The following SGO2 variants were observed in gnomAD, a reference collection of about 807,000 sequenced individuals.
SGO2 encodes the protein shugoshin-like 2.
SGO2 carries 68 observed loss-of-function variants against 99.5 expected under a neutral mutation model. That is an observed-to-expected ratio of 0.68 (90% CI 0.56 to 0.84). The LOEUF is 0.84. Among genes scored for constraint, SGO2 ranks in the 40% least tolerant of loss-of-function variants. The pLI, the probability that SGO2 is intolerant of heterozygous loss-of-function variation, is 0.00. For synonymous variants in SGO2, 457 were observed against 487.1 expected, an observed-to-expected ratio of 0.94 and a Z score of 0.81; for missense variants, 1,350 against 1,436.7, an observed-to-expected ratio of 0.94 and a Z score of 0.97.
intron 7 of SGO2, among the ~76,000 whole-genome samples, chr2:200,574,805 A>G (rs953150927): frequency 1.1e-4 from 16 of 152,108 alleles, no homozygotes; most frequent in African/African-American, 3.9e-4. Context: ...TTCTTTTGCC[A>G]TTAGAAATTT....
At chr2:200,536,511 GA>G (rs967027293) in intron 4 of SGO2, among the ~76,000 whole-genome samples, 11 of 151,992 alleles carry the variant, frequency 7.2e-5, no homozygotes, top group African/African-American at 2.6e-4. Context: ...AAAAACTGGG[GA>G]AAAAAATAGA....
intron 5 of SGO2, among the ~76,000 whole-genome samples, chr2:200,548,299 G>A (rs909268355): frequency 2.0e-5 from 3 of 151,840 alleles, no homozygotes; most frequent in African/African-American, 7.3e-5. Flanking sequence ...AAGAAAACTG[G>A]AAATTAAAAT....
chr2:200,575,574 A>AAT, intron 8 of SGO2, 113 bp downstream of exon 8: 1 of 740,154 alleles, frequency 1.4e-6, no homozygotes, highest in Non-Finnish European at 2.1e-6. Flanking sequence ...TATATTATTG[A>AAT]TATGTAACAA....
intron 5 of SGO2, among the ~76,000 whole-genome samples, chr2:200,546,713 T>C (rs2032235317): frequency 6.6e-6 from 1 of 151,980 alleles, no homozygotes. Context: ...ATCTTGGAAC[T>C]GAGAAATACA....
Position 200,570,117 on chromosome 2 carries a change from T to C in SGO2, c.703+225T>C. The C allele has an allele frequency of 2.2e-6, 1 of 451,124 alleles. No individual in the cohort carries two copies. The highest frequency in any genetic ancestry group is 3.9e-6 in the Non-Finnish European group (1 of 257,514). 27.9% of individuals were successfully genotyped at this position (451,124 alleles called of 1,614,324 possible). On this transcript the variant is annotated intron_variant, in intron 6 of 8. Coordinates refer to ENST00000357799, the MANE Select transcript of SGO2 (RefSeq NM_152524.6). The surrounding 1 kb of genome is among the most constrained non-coding windows in gnomAD (Gnocchi z 4.4). ...CCTAATACTGTTACTCTGGAAGAAA[T>C]ATTTAGAAATAAATGGACCTAATGA...
intron 8 of SGO2, among the ~76,000 whole-genome samples, chr2:200,581,185 C>T (rs2033832727): frequency 6.6e-6 from 1 of 152,092 alleles, no homozygotes; most frequent in African/African-American, 2.4e-5. Flanking sequence ...TGTATATTCT[C>T]CATAATCAAG....
intron 5 of SGO2, among the ~76,000 whole-genome samples, chr2:200,545,139 T>C (rs1221979733): frequency 6.6e-6 from 1 of 152,174 alleles, no homozygotes; most frequent in Non-Finnish European, 1.5e-5. Context: ...CCCAAGTAGC[T>C]GGGACTACAG....
At chr2:200,549,220 TGCAGTGA>T (rs1230428260) in intron 5 of SGO2, among the ~76,000 whole-genome samples, 1 of 152,114 alleles carries the variant, frequency 6.6e-6, no homozygotes, top group Admixed American at 6.5e-5. Context: ...AAGTTGAGGC[TGCAGTGA>T]GCAGTGTTCA....
intron 1 of SGO2, among the ~76,000 whole-genome samples, chr2:200,529,515 GTTTTGTT>G (rs2031264208): frequency 8.3e-6 from 1 of 120,666 alleles, no homozygotes; most frequent in African/African-American, 2.7e-5. Flanking sequence ...GTTTTGTTTT[GTTTTGTT>G]TTTTGTTTTT....
chr2:200,543,560 C>A (rs1195096703), intron 5 of SGO2: 5 of 152,118 alleles, frequency 3.3e-5, no homozygotes. Context: ...TACTTAAGTG[C>A]ACAAGTAAAT....
intron 5 of SGO2, among the ~76,000 whole-genome samples, chr2:200,564,702 CTT>C (rs1465377417): frequency 6.6e-6 from 1 of 152,140 alleles, no homozygotes; most frequent in East Asian, 1.9e-4. Context: ...GTCTAAGTCT[CTT>C]TGTAGGTCTC....
intron 4 of SGO2, among the ~76,000 whole-genome samples, chr2:200,537,567 C>A (rs1025387213): frequency 2.6e-5 from 4 of 152,136 alleles, no homozygotes; most frequent in African/African-American, 9.7e-5. Flanking sequence ...TCTCTTCCTA[C>A]CTTTCTGGCT....
At chr2:200,530,297 A>G (rs1453555538) in intron 1 of SGO2, among the ~76,000 whole-genome samples, 1 of 152,188 alleles carries the variant, frequency 6.6e-6, no homozygotes, top group Non-Finnish European at 1.5e-5. Context: ...TTCTAAATAT[A>G]TTGTGAAGGT....
chr2:200,543,561 A>G (rs2032065358), intron 5 of SGO2: 1 of 152,234 alleles, frequency 6.6e-6, no homozygotes, highest in South Asian at 2.1e-4. Context: ...ACTTAAGTGC[A>G]CAAGTAAATG....
intron 5 of SGO2, 101 bp from the exon 6 acceptor site, chr2:200,569,562 T>TTG: frequency 1.2e-6 from 1 of 840,382 alleles, no homozygotes; most frequent in South Asian, 1.9e-5. Flanking sequence ...CCAGGTGGAT[T>TTG]TGTGGTTCGA....
chr2:200,582,691 A>G (rs1022831948), intron 8 of SGO2, among the ~76,000 whole-genome samples: 7 of 152,300 alleles, frequency 4.6e-5, no homozygotes, highest in African/African-American at 1.4e-4. Context: ...TCACACCTCA[A>G]CATGTTTTGC....
At position 200,559,389 on chromosome 2, in the gene SGO2, ATGT is replaced by A. The variant is rs893430837; in HGVS notation, c.474-10266_474-10264del. ...CTTTGTGAAGGTCTCATTTGGAGCTATGTTGTTGTTTTAGTATATTTGTTTTCT... is the reference window on the plus strand; with the variant it reads ...CTTTGTGAAGGTCTCATTTGGAGCTATGTTGTTTTAGTATATTTGTTTTCT... On this transcript the variant is annotated intron_variant, in intron 5 of 8. Transcript: ENST00000357799. Among the ~76,000 whole-genome samples the A allele has an allele frequency of 3.9e-5, 6 of 151,960 alleles. No homozygotes were observed. In the East Asian group the frequency reaches 7.8e-4, roughly 20 times the overall value.
intron 5 of SGO2, among the ~76,000 whole-genome samples, chr2:200,544,158 A>T (rs1019672769): frequency 6.6e-6 from 1 of 152,208 alleles, no homozygotes; most frequent in Non-Finnish European, 1.5e-5. Flanking sequence ...TGTTTGTTAG[A>T]TTCATCCATA....
intron 5 of SGO2, among the ~76,000 whole-genome samples, chr2:200,568,759 C>T (rs7581725): frequency 0.034 from 5,211 of 152,232 alleles, 288 homozygotes; most frequent in African/African-American, 0.12. Flanking sequence ...TTGGCACCCC[C>T]TTCGCTAGCT....
Sources: allele counts gnomAD v4.1 joint callset (sites outside exome capture counted in the v4.1 genomes callset), GRCh38; gene constraint gnomAD v4.1.1; non-coding constraint Gnocchi (gnomAD v3.1); transcripts MANE v1.5; gene names NCBI Gene and HGNC (gene_info 2026-07-23, HGNC 2026-07-21).